The following ZNF723 variants were observed in gnomAD, a reference collection of about 807,000 sequenced individuals.
The protein encoded by ZNF723 is zinc finger protein 723, also known as zinc finger protein 723, pseudogene.
ZNF723 carries 5 observed loss-of-function variants against 9.4 expected under a neutral mutation model. That is an observed-to-expected ratio of 0.53 (90% CI 0.28 to 1.12). ZNF723 has a LOEUF of 1.12. ZNF723 is among the 50% of genes most tolerant of loss of function. The pLI is 0.10. For missense variants in ZNF723, 450 were observed against 501.5 expected (o/e 0.90, Z 0.98); for synonymous variants, 158 against 168.8 (o/e 0.94, Z 0.49).
chr19:22,813,656 G>A, the ZNF723 span, among the ~76,000 whole-genome samples: 2 of 151,848 alleles, frequency 1.3e-5, no homozygotes, highest in South Asian at 4.2e-4. Context: ...CAGGAGAATT[G>A]CTTGAATCCA....
At chr19:22,848,441 G>T (rs1967345050) in intron 2 of ZNF723, 54 bp downstream of exon 2, 1 of 1,231,556 alleles carries the variant, frequency 8.1e-7, no homozygotes, top group South Asian at 1.5e-5. Context: ...TTCTTTTTTT[G>T]GTGTTGTAGA....
chr19:22,815,343 T>C, the ZNF723 span, among the ~76,000 whole-genome samples: 1 of 151,896 alleles, frequency 6.6e-6, no homozygotes, highest in African/African-American at 2.4e-5. Flanking sequence ...TTGTGATATA[T>C]CACTGGACCC....
upstream of ZNF723, among the ~76,000 whole-genome samples, chr19:22,829,289 CTT>C (rs138454881): frequency 0.37 from 52,595 of 142,282 alleles, 9,842 homozygotes; most frequent in African/African-American, 0.5. Context: ...CGTAAGTACT[CTT>C]TTTTTTTTTT....
chr19:22,817,172 ATTT>A, the ZNF723 span, among the ~76,000 whole-genome samples: 1 of 152,306 alleles, frequency 6.6e-6, no homozygotes, highest in African/African-American at 2.4e-5. Flanking sequence ...ATTACGATGC[ATTT>A]TTTATTTATT....
intron 1 of ZNF723, among the ~76,000 whole-genome samples, chr19:22,836,181 T>C (rs2145207280): frequency 6.6e-6 from 1 of 152,252 alleles, no homozygotes; most frequent in African/African-American, 2.4e-5. Context: ...GCTGCAGATT[T>C]CCCAGCCTGC....
the ZNF723 span, among the ~76,000 whole-genome samples, chr19:22,823,039 T>G: frequency 0.012 from 1,803 of 152,252 alleles, 26 homozygotes; most frequent in African/African-American, 0.039. Flanking sequence ...GTGACTCACT[T>G]CTGTATCCAA....
chr19:22,813,324 C>T, the ZNF723 span, among the ~76,000 whole-genome samples: 1 of 152,192 alleles, frequency 6.6e-6, no homozygotes, highest in South Asian at 2.1e-4. Context: ...CCTGCCTGGG[C>T]CCAGTCCATA....
chr19:22,821,568 A>G, the ZNF723 span, among the ~76,000 whole-genome samples: 5 of 152,188 alleles, frequency 3.3e-5, no homozygotes, highest in African/African-American at 4.8e-5. Context: ...TTACTGCCAC[A>G]GCCCTGCCCA....
At chr19:22,826,677 G>A in the ZNF723 span, among the ~76,000 whole-genome samples, 5 of 152,286 alleles carry the variant, frequency 3.3e-5, no homozygotes, top group Admixed American at 6.5e-5. Flanking sequence ...ATGCGGACTC[G>A]TGTATGAACT....
chr19:22,841,722 G>A (rs1345850964), intron 1 of ZNF723, among the ~76,000 whole-genome samples: 3 of 152,044 alleles, frequency 2.0e-5, no homozygotes, highest in African/African-American at 7.2e-5. Flanking sequence ...AGACCAGGGG[G>A]ACCAGAAACC....
chr19:22,818,705 A>C, the ZNF723 span, among the ~76,000 whole-genome samples: 1 of 152,190 alleles, frequency 6.6e-6, no homozygotes, highest in Non-Finnish European at 1.5e-5. Context: ...TGTATGACCC[A>C]AGCCCACAGA....
At chr19:22,825,276 C>G in the ZNF723 span, among the ~76,000 whole-genome samples, 1 of 152,186 alleles carries the variant, frequency 6.6e-6, no homozygotes, top group Non-Finnish European at 1.5e-5. Flanking sequence ...GATTGGGACT[C>G]TCATTCACAG....
chr19:22,847,388 A>G (rs1368708502), intron 1 of ZNF723, among the ~76,000 whole-genome samples: 3 of 152,042 alleles, frequency 2.0e-5, no homozygotes, highest in African/African-American at 7.2e-5. Flanking sequence ...CATCTTTTAT[A>G]GTCCAGAAAA....
chr19:22,852,713 G>T (rs1475427967), intron 3 of ZNF723, among the ~76,000 whole-genome samples: 1 of 151,926 alleles, frequency 6.6e-6, no homozygotes, highest in Non-Finnish European at 1.5e-5. Context: ...TTAAATATTC[G>T]GTTTAGTCAT....
intron 1 of ZNF723, among the ~76,000 whole-genome samples, chr19:22,837,543 T>C (rs1392810420): frequency 6.6e-6 from 1 of 152,144 alleles, no homozygotes; most frequent in African/African-American, 2.4e-5. Context: ...AATAAAACTC[T>C]GGGCGTGTGG....
At chr19:22,819,022 A>G in the ZNF723 span, among the ~76,000 whole-genome samples, 1 of 151,912 alleles carries the variant, frequency 6.6e-6, no homozygotes, top group African/African-American at 2.4e-5. Flanking sequence ...GATTTTGACT[A>G]ATTCTTAGGC....
rs892597638 is a variant in ZNF723, at chr19:22,857,830, C to T, written c.939C>T (p.Tyr313=). ...GAATTCATACTGGAGAGAAACCCTA[C>T]AAATGTGAAGAATGTGGCAAAGCCT... ...HKRIHTGEKP[Y]KCEECGKAFN... is the part of the protein sequence containing the mutation. Residue 313 remains tyrosine, a synonymous_variant, in exon 4 of 4, where the codon TAC becomes TAT. Transcript: ENST00000600766. 7.2e-7 allele frequency: 1 copy of T among 1,398,028 alleles called. No individual in the cohort carries two copies. Among genetic ancestry groups the T allele is most frequent in the Non-Finnish European group, 1.0e-6 (1 of 984,102 alleles). The allele number at this position is 1,398,028 out of a possible 1,614,324, so 86.6% of individuals were successfully genotyped here.
intron 1 of ZNF723, among the ~76,000 whole-genome samples, chr19:22,838,420 C>A (rs939648305): frequency 1.3e-5 from 2 of 152,000 alleles, no homozygotes; most frequent in Non-Finnish European, 2.9e-5. Flanking sequence ...GGCGTGGTGG[C>A]ACACGCCTGT....
chr19:22,833,459 C>A (rs764217247), intron 1 of ZNF723, among the ~76,000 whole-genome samples: 1 of 150,950 alleles, frequency 6.6e-6, no homozygotes, highest in Non-Finnish European at 1.5e-5. Context: ...CTATGCCCTG[C>A]ATTTTTCACA....
Sources: gnomAD v4.1 joint callset for allele counts (sites outside exome capture counted in the v4.1 genomes callset) on GRCh38, gnomAD v4.1.1 for gene constraint, MANE v1.5 for transcripts, NCBI Gene and HGNC (gene_info 2026-07-23, HGNC 2026-07-21) for gene names.